Variants in COG3 observed in about 807,000 individuals in gnomAD.
COG3 encodes conserved oligomeric Golgi complex subunit 3.
COG3 carries 32 observed loss-of-function variants against 114.1 expected under a neutral mutation model. The ratio of observed to expected loss-of-function variants is 0.28; its 90% confidence interval spans 0.21 to 0.38. The LOEUF (loss-of-function observed/expected upper bound fraction) is 0.38. COG3 is among the 10% of genes least tolerant of loss of function. The pLI is 1.00. For synonymous variants in COG3, 352 were observed against 365.7 expected, an observed-to-expected ratio of 0.96 and a Z score of 0.43; for missense variants, 813 against 973.2, an observed-to-expected ratio of 0.84 and a Z score of 2.19.
intron 1 of COG3, among the ~76,000 whole-genome samples, chr13:45,473,495 G>C (rs1382534430): frequency 6.6e-6 from 1 of 152,094 alleles, no homozygotes; most frequent in Non-Finnish European, 1.5e-5. Context: ...ATAGAATTAT[G>C]TGATTGAATT....
intron 1 of COG3, among the ~76,000 whole-genome samples, chr13:45,471,921 CAG>C (rs1260935894): frequency 6.6e-6 from 1 of 152,038 alleles, no homozygotes; most frequent in African/African-American, 2.4e-5. Context: ...TTAGTAGAGA[CAG>C]GGTTTCGCCA....
intron 13 of COG3, among the ~76,000 whole-genome samples, chr13:45,498,798 T>TTCC (rs10691523): frequency 0.021 from 3,092 of 148,382 alleles, 109 homozygotes; most frequent in African/African-American, 0.073. Context: ...TTTTTTTTTT[T>TTCC]CAAATTGTTT....
At chr13:45,476,081 G>T (rs2137787701) in intron 1 of COG3, 120 bp from the exon 2 acceptor site, 2 of 868,986 alleles carry the variant, frequency 2.3e-6, no homozygotes, top group East Asian at 5.3e-5. Context: ...TTAACTTAAT[G>T]TGATTTAATG....
At chr13:45,480,601 T>C (rs935019981) in intron 4 of COG3, among the ~76,000 whole-genome samples, 2 of 152,216 alleles carry the variant, frequency 1.3e-5, no homozygotes, top group Admixed American at 6.5e-5. Context: ...TTTTTTGCTC[T>C]GTTGCCCAGG....
chr13:45,514,221 C>T (rs1408516795), intron 16 of COG3, among the ~76,000 whole-genome samples: 18 of 123,120 alleles, frequency 1.5e-4, no homozygotes, highest in Non-Finnish European at 2.4e-4. Flanking sequence ...AGTGCAGTGG[C>T]GCTATCTCAG....
At chr13:45,465,315 C>T (rs1170666332) in intron 1 of COG3, 105 bp downstream of exon 1, 9 of 1,457,166 alleles carry the variant, frequency 6.2e-6, no homozygotes, top group African/African-American at 1.4e-5. Flanking sequence ...GATATCTCTC[C>T]ACTCCTCCCT....
At chr13:45,495,715 C>G (rs1352372386) in intron 12 of COG3, among the ~76,000 whole-genome samples, 1 of 152,102 alleles carries the variant, frequency 6.6e-6, no homozygotes, top group East Asian at 1.9e-4. Context: ...ACTAAGTAAA[C>G]TCATACTTTA....
At chr13:45,487,717 A>G (rs1167850959) in intron 8 of COG3, among the ~76,000 whole-genome samples, 1 of 152,232 alleles carries the variant, frequency 6.6e-6, no homozygotes. Flanking sequence ...AATGGCTGTT[A>G]TCAAGAAGAC....
intron 14 of COG3, 95 bp from the exon 15 acceptor site, chr13:45,509,597 T>A: frequency 6.7e-7 from 1 of 1,495,380 alleles, no homozygotes; most frequent in Non-Finnish European, 9.1e-7. Flanking sequence ...TACTTATAGC[T>A]AATGAGAATA....
chr13:45,529,723 T>C, intron 20 of COG3, 68 bp from the exon 21 acceptor site: 1 of 1,265,902 alleles, frequency 7.9e-7, no homozygotes, highest in Non-Finnish European at 1.1e-6. Context: ...TTTATTCCCC[T>C]TTGAATTAAA....
At chr13:45,471,946 T>G (rs549600172) in intron 1 of COG3, among the ~76,000 whole-genome samples, 103 of 152,298 alleles carry the variant, frequency 6.8e-4, no homozygotes, top group African/African-American at 2.4e-3. Flanking sequence ...TTGGCTAGGC[T>G]GGTCCTGGAC....
chr13:45,534,899 G>C lies in COG3; in HGVS notation c.*168G>C. ...ATGAAATAGAAGCAAAGTGTTACAG[G>C]ATCAGTGTTTTCTTTTCTAAAACAT... On this transcript the variant is annotated 3_prime_UTR_variant, in exon 23 of 23. Coordinates refer to ENST00000349995, the MANE Select transcript of COG3 (RefSeq NM_031431.4). 2 of 1,258,912 alleles carry C rather than the reference G, an allele frequency of 1.6e-6. No individual in the cohort carries two copies. Among genetic ancestry groups the C allele is most frequent in the Non-Finnish European group, 2.0e-6 (2 of 1,003,482 alleles). 78.0% of individuals were successfully genotyped at this position (1,258,912 alleles called of 1,614,324 possible).
rs765367464 is a variant in COG3, at chr13:45,481,211, C to G, written c.550-19C>G. The G allele has an allele frequency of 7.0e-7, 1 of 1,436,740 alleles. No individual in the cohort carries two copies. The highest frequency in any genetic ancestry group is 1.2e-5 in the South Asian group (1 of 83,572). 89.0% of individuals were successfully genotyped at this position (1,436,740 alleles called of 1,614,324 possible). On this transcript the variant is annotated intron_variant, in intron 4 of 22. Coordinates refer to ENST00000349995, the MANE Select transcript of COG3 (RefSeq NM_031431.4). ...TATATTCTTATAATAATTGATTTTT[C>G]TCTTTTAAAAAATGCAAGTCGGAAC...
intron 20 of COG3, among the ~76,000 whole-genome samples, chr13:45,527,931 A>G (rs1183449307): frequency 6.6e-6 from 1 of 152,146 alleles, no homozygotes; most frequent in East Asian, 1.9e-4. Context: ...CCATCTCGAG[A>G]GAGAGCTAGG....
chr13:45,522,943 A>G (rs1452811185), intron 19 of COG3, among the ~76,000 whole-genome samples: 1 of 152,232 alleles, frequency 6.6e-6, no homozygotes, highest in Admixed American at 6.5e-5. Flanking sequence ...AGATCCTGCA[A>G]CTGCGTCTGC....
chr13:45,533,744 C>G (rs1301116215), intron 22 of COG3, among the ~76,000 whole-genome samples: 3 of 152,184 alleles, frequency 2.0e-5, no homozygotes, highest in Admixed American at 2.0e-4. Flanking sequence ...TTCTTTTAAC[C>G]TGGAGCAGTT....
chr13:45,489,203 A>G (rs1886859156), intron 8 of COG3, among the ~76,000 whole-genome samples: 1 of 140,966 alleles, frequency 7.1e-6, no homozygotes, highest in African/African-American at 2.5e-5. Flanking sequence ...AAAAAAAAAA[A>G]AAAAAAAAAG....
chr13:45,535,701 C>CTACA lies in COG3; in HGVS notation c.*971_*974dup. On this transcript the variant is annotated 3_prime_UTR_variant, in exon 23 of 23. Transcript: ENST00000349995. Reference sequence around the variant, plus strand: ...CCAGCTGTGTGGATCTCTAGCCCAGCTACAGCAGAATACATTTTACCAGCA... The same window carrying CTACA: ...CCAGCTGTGTGGATCTCTAGCCCAGCTACATACAGCAGAATACATTTTACCAGCA... 1.0e-6 allele frequency: 1 copy of CTACA among 985,222 alleles called. No individual in the cohort carries two copies. The highest frequency in any genetic ancestry group is 1.2e-6 in the Non-Finnish European group (1 of 829,956). The allele number at this position is 985,222 out of a possible 1,614,324, so 61.0% of individuals were successfully genotyped here.
intron 16 of COG3, among the ~76,000 whole-genome samples, chr13:45,513,208 A>G (rs1176406621): frequency 2.0e-5 from 1 of 49,672 alleles, no homozygotes; most frequent in Non-Finnish European, 7.0e-5. Flanking sequence ...TAATATATAC[A>G]TATAAATTAT....
Sources: gnomAD v4.1 joint callset for allele counts (sites outside exome capture counted in the v4.1 genomes callset) on GRCh38, gnomAD v4.1.1 for gene constraint, MANE v1.5 for transcripts, NCBI Gene and HGNC (gene_info 2026-07-23, HGNC 2026-07-21) for gene names.